Variants in SHPRH observed in about 807,000 individuals in gnomAD.
SHPRH encodes the protein SNF2 histone linker PHD RING helicase.
Under a neutral mutation model 202.5 loss-of-function variants are expected in SHPRH, and 106 were observed. The ratio of observed to expected loss-of-function variants is 0.52; its 90% CI spans 0.45 to 0.62. SHPRH has a LOEUF of 0.62. Among genes scored for constraint, SHPRH ranks in the 20% least tolerant of loss-of-function variants. The pLI is 0.00. For missense variants in SHPRH, 1,710 were observed against 2,020.0 expected (o/e 0.85, Z 2.94); for synonymous variants, 729 against 686.0 (o/e 1.06, Z -0.98).
At chr6:145,935,941 G>C (rs1786018648) in intron 11 of SHPRH, 1 of 152,580 alleles carries the variant, frequency 6.6e-6, no homozygotes, top group South Asian at 2.1e-4. Flanking sequence ...TAAAAATATA[G>C]ATAAGATTTA....
At position 145,932,921 on chromosome 6, in the gene SHPRH, A is replaced by G. The variant is rs1785624858; in HGVS notation, c.3112+136T>C. On this transcript the variant is annotated intron_variant, in intron 14 of 29. Coordinates refer to ENST00000275233, the MANE Select transcript of SHPRH (RefSeq NM_001042683.3). ...TCTATATTAAGTTGAACCTATTTAA[A>G]CTATATTCAGTAGTGTGTGAGAGTA... 4 of 967,798 alleles carry G rather than the reference A, an allele frequency of 4.1e-6. No homozygotes were observed. In the South Asian group the frequency reaches 8.8e-5, roughly 21 times the overall value. 60.0% of individuals were successfully genotyped at this position (967,798 alleles called of 1,614,324 possible).
chr6:145,924,841 T>C lies in SHPRH; in HGVS notation c.3300A>G (p.Lys1100=). The C allele has an allele frequency of 6.2e-7, 1 of 1,611,144 alleles. No individual in the cohort carries two copies. The highest frequency in any genetic ancestry group is 8.5e-7 in the Non-Finnish European group (1 of 1,178,072). The change falls in exon 17 of 30, where the codon AAA becomes AAG. Residue 1100 remains lysine, a synonymous_variant. Coordinates refer to ENST00000275233, the MANE Select transcript of SHPRH (RefSeq NM_001042683.3). Reference sequence around the variant, plus strand: ...TGCTCATGTAGTGCTCTCGCAGCTGTTTGGCCTGTGTTGAAACAGAGAATA... The same window carrying C: ...TGCTCATGTAGTGCTCTCGCAGCTGCTTGGCCTGTGTTGAAACAGAGAATA... The part of the protein sequence containing the change: ...LRDGRLEEEA[K]QLREHYMSKC...
At chr6:145,868,260 C>A (rs1420127079) in intron 2 of SHPRH, among the ~76,000 whole-genome samples, 2 of 152,166 alleles carry the variant, frequency 1.3e-5, no homozygotes, top group Admixed American at 1.3e-4. Context: ...TCTTTAAAGG[C>A]ATTGTCTCAA....
In SHPRH at chr6:145,920,047, C is replaced by T. The variant is rs540340668; in HGVS notation, c.4009-556G>A. ...TTCATTGAACTTATACTATGTGAAA[C>T]ATATTCTTAATAATTCAGTTATATA... On this transcript the variant is annotated intron_variant, in intron 21 of 29. Coordinates refer to ENST00000275233, the MANE Select transcript of SHPRH (RefSeq NM_001042683.3). Among the ~76,000 whole-genome samples, 8 of 152,164 alleles carry T rather than the reference C, an allele frequency of 5.3e-5. No homozygotes were observed. In the South Asian group the frequency reaches 1.7e-3, roughly 32 times the overall value.
chr6:145,918,297 T>C (rs2128745949), intron 22 of SHPRH, 65 bp from the exon 23 acceptor site: 12 of 1,024,578 alleles, frequency 1.2e-5, no homozygotes, highest in Non-Finnish European at 1.5e-5. Context: ...ATATTAAATA[T>C]GGACAATTCT....
intron 20 of SHPRH, 116 bp downstream of exon 20, chr6:145,922,170 T>A: frequency 2.3e-6 from 2 of 869,254 alleles, no homozygotes; most frequent in Non-Finnish European, 3.4e-6. Flanking sequence ...TCAATTTAAT[T>A]AAAGAAACAA....
chr6:145,875,365 G>A (rs1210837704), intron 2 of SHPRH, among the ~76,000 whole-genome samples: 1 of 152,182 alleles, frequency 6.6e-6, no homozygotes, highest in Non-Finnish European at 1.5e-5. Flanking sequence ...AGAATTGCCT[G>A]GCCCAAAATG....
intron 21 of SHPRH, among the ~76,000 whole-genome samples, chr6:145,920,301 C>T (rs936448736): frequency 2.0e-5 from 3 of 152,132 alleles, no homozygotes; most frequent in Middle Eastern, 3.4e-3. Context: ...CAAACTGAGT[C>T]GAAAGGAAGA....
chr6:145,891,539 C>T (rs1583308485), intron 28 of SHPRH, among the ~76,000 whole-genome samples: 1 of 152,304 alleles, frequency 6.6e-6, no homozygotes, highest in East Asian at 1.9e-4. Context: ...GCTAGAATCG[C>T]ACTCCATGAG....
chr6:145,890,788 T>C (rs1427669955), intron 28 of SHPRH, among the ~76,000 whole-genome samples: 4 of 152,216 alleles, frequency 2.6e-5, no homozygotes, highest in African/African-American at 7.2e-5. Flanking sequence ...TCCAGCTCAG[T>C]TGAAGGTTAC....
intron 2 of SHPRH, among the ~76,000 whole-genome samples, chr6:145,875,776 C>G (rs529136111): frequency 6.6e-6 from 1 of 152,276 alleles, no homozygotes; most frequent in East Asian, 1.9e-4. Flanking sequence ...AGTTGAGTTT[C>G]AATTACAGCC....
At chr6:145,893,757 G>A (rs1359311314) in intron 27 of SHPRH, among the ~76,000 whole-genome samples, 1 of 152,076 alleles carries the variant, frequency 6.6e-6, no homozygotes, top group African/African-American at 2.4e-5. Flanking sequence ...GTCTCTGTGT[G>A]TGCCTGAGGT....
intron 4 of SHPRH, 67 bp downstream of exon 4, chr6:145,950,197 C>A (rs116980584): frequency 7.6e-7 from 1 of 1,324,474 alleles, no homozygotes; most frequent in East Asian, 2.3e-5. Flanking sequence ...CAATTTCACC[C>A]TGCCCTAATT....
chr6:145,887,533 G>GTT lies in SHPRH; in HGVS notation c.4955+485_4955+486dup, dbSNP rs1220167063. Among the ~76,000 whole-genome samples the GTT allele has an allele frequency of 4.5e-3, 590 of 130,982 alleles. 5 individuals are homozygous for GTT. The highest frequency in any genetic ancestry group is 0.013 in the African/African-American group (447 of 33,950). 85.9% of individuals were successfully genotyped at this position (130,982 alleles called of 152,430 possible). The stretch of plus-strand genomic sequence containing the variant: ...CACCACAATTAACCTTAACAAGTTT[G>GTT]TTTTTTTTTTTTTTTTTTTTGAGAC... On this transcript the variant is annotated intron_variant, in intron 29 of 29. Coordinates refer to ENST00000275233, the MANE Select transcript of SHPRH (RefSeq NM_001042683.3).
intron 1 of SHPRH, among the ~76,000 whole-genome samples, chr6:145,958,790 T>G (rs1396709189): frequency 1.3e-5 from 2 of 152,162 alleles, no homozygotes; most frequent in Non-Finnish European, 2.9e-5. Flanking sequence ...AAAATTCCTA[T>G]GGACTAGTGA....
In SHPRH at chr6:145,905,617, T is replaced by C. The variant is rs576578774; in HGVS notation, c.4515+4831A>G. On this transcript the variant is annotated intron_variant, in intron 25 of 29. Coordinates refer to ENST00000275233, the MANE Select transcript of SHPRH (RefSeq NM_001042683.3). ...TACCTCATATAATCCCTACACATCA[T>C]TGCATTTGCGTGGATTCAATGTAAA... 5 of 152,214 alleles carry C rather than the reference T, an allele frequency of 3.3e-5. No individual in the cohort carries two copies. In the East Asian group the frequency reaches 5.8e-4, roughly 18 times the overall value. 9.4% of individuals were successfully genotyped at this position (152,214 alleles called of 1,614,324 possible).
chr6:145,936,978 CTTTTTTT>C (rs1206387630), intron 11 of SHPRH, among the ~76,000 whole-genome samples: 4 of 125,658 alleles, frequency 3.2e-5, no homozygotes, highest in African/African-American at 1.2e-4. Context: ...CATGCTTCAT[CTTTTTTT>C]TTTTTTTTTT....
chr6:145,946,964 T>C (rs1370600121), intron 6 of SHPRH, among the ~76,000 whole-genome samples: 1 of 152,022 alleles, frequency 6.6e-6, no homozygotes, highest in Admixed American at 6.6e-5. Flanking sequence ...ATATTTGCCT[T>C]AGTGGACTTT....
chr6:145,910,355 G>A lies in SHPRH; in HGVS notation c.4515+93C>T. The A allele has an allele frequency of 2.1e-6, 3 of 1,424,170 alleles. No homozygotes were observed. In the South Asian group the frequency reaches 3.9e-5, roughly 19 times the overall value. 88.2% of individuals were successfully genotyped at this position (1,424,170 alleles called of 1,614,324 possible). ...GTGGCGTCTACCTATTCACTGTCAA[G>A]CTTGTTCTGATGTTCATGCTTTCTT... On this transcript the variant is annotated intron_variant, in intron 25 of 29. Transcript: ENST00000275233.
Sources: gnomAD v4.1 joint callset for allele counts (sites outside exome capture counted in the v4.1 genomes callset) on GRCh38, gnomAD v4.1.1 for gene constraint, MANE v1.5 for transcripts, NCBI Gene and HGNC (gene_info 2026-07-23, HGNC 2026-07-21) for gene names.